Variants in COL22A1 observed in about 807,000 individuals in gnomAD.
The protein encoded by COL22A1 is collagen alpha-1(XXII) chain.
Under a neutral mutation model 248.9 loss-of-function variants are expected in COL22A1, and 221 were observed. The observed-to-expected ratio is 0.89, with a 90% CI of 0.80 to 0.99. COL22A1 has a LOEUF of 0.99. COL22A1 is among the 50% of genes least tolerant of loss of function. COL22A1 has a pLI of 0.00. For missense variants in COL22A1, 2,240 were observed against 2,179.0 expected, an observed-to-expected ratio of 1.03 and a Z score of -0.56; for synonymous variants, 891 against 793.4, an observed-to-expected ratio of 1.12 and a Z score of -2.07.
intron 30 of COL22A1, among the ~76,000 whole-genome samples, chr8:138,707,788 C>T (rs573207405): frequency 3.2e-4 from 48 of 152,192 alleles, no homozygotes; most frequent in African/African-American, 1.0e-3. Flanking sequence ...CTGGCCAGTG[C>T]GATCAGGCAG....
rs115681057 is a variant in COL22A1, at chr8:138,671,833, G to T, written c.3150+4725C>A. ...TTACGGTATTGATAAATACTGTACAGTACTATAAATGTATTTTCTCTTCCT... is the reference window on the plus strand; with the variant it reads ...TTACGGTATTGATAAATACTGTACATTACTATAAATGTATTTTCTCTTCCT... On this transcript the variant is annotated intron_variant, in intron 41 of 64. Coordinates refer to ENST00000303045, the MANE Select transcript of COL22A1 (RefSeq NM_152888.3). Among the ~76,000 whole-genome samples the T allele has an allele frequency of 4.2e-3, 634 of 152,252 alleles. 3 individuals are homozygous for T. The highest frequency in any genetic ancestry group is 0.013 in the African/African-American group (558 of 41,538).
chr8:138,877,059 G>A (rs1236291487), intron 3 of COL22A1, among the ~76,000 whole-genome samples: 1 of 152,120 alleles, frequency 6.6e-6, no homozygotes, highest in African/African-American at 2.4e-5. Flanking sequence ...CTAAATCCTG[G>A]AGGTCAGGCT....
intron 3 of COL22A1, among the ~76,000 whole-genome samples, chr8:138,875,606 T>C (rs773849593): frequency 2.6e-5 from 4 of 152,148 alleles, no homozygotes; most frequent in Non-Finnish European, 5.9e-5. Flanking sequence ...CTAGTTCTTA[T>C]CTGTGCAGAT....
At chr8:138,796,741 C>G in intron 12 of COL22A1, 78 bp downstream of exon 12, 2 of 970,504 alleles carry the variant, frequency 2.1e-6, no homozygotes, top group Non-Finnish European at 3.4e-6. Flanking sequence ...GGCAACATAA[C>G]AGTAGCACAC....
chr8:138,850,819 C>T (rs1435065876), intron 3 of COL22A1, among the ~76,000 whole-genome samples: 1 of 152,242 alleles, frequency 6.6e-6, no homozygotes, highest in Non-Finnish European at 1.5e-5. Context: ...AGTCCCTCCC[C>T]TTTCCATCCA....
chr8:138,698,041 A>G (rs1350781264), intron 32 of COL22A1, among the ~76,000 whole-genome samples: 1 of 152,212 alleles, frequency 6.6e-6, no homozygotes, highest in Non-Finnish European at 1.5e-5. Flanking sequence ...GTGCCTTCCC[A>G]GTGGAATGCT....
Position 138,598,891 on chromosome 8 carries a change from G to C in COL22A1, c.4193C>G (p.Pro1398Arg). ...EPGFKGERGDPGIKGDKGPPG... is the reference protein window; with the variant it reads ...EPGFKGERGDRGIKGDKGPPG... ...AGGTCCTTTGTCACCTTTGATCCCA[G>C]GATCTCCCTAAGGAGGAAATAAGCA... Residue 1398 changes from proline (P) to arginine (R), a missense_variant, in exon 61 of 65, where the codon CCT becomes CGT. Transcript: ENST00000303045. 6.2e-7 allele frequency: 1 copy of C among 1,614,114 alleles called. No individual in the cohort carries two copies. Among genetic ancestry groups the C allele is most frequent in the Non-Finnish European group, 8.5e-7 (1 of 1,180,004 alleles).
At chr8:138,822,174 C>T (rs1013111222) in intron 6 of COL22A1, among the ~76,000 whole-genome samples, 1 of 152,044 alleles carries the variant, frequency 6.6e-6, no homozygotes, top group Non-Finnish European at 1.5e-5. Flanking sequence ...CTTAGTCTCC[C>T]GAGTAGCTGG....
chr8:138,795,911 T>C (rs927332426), intron 12 of COL22A1, among the ~76,000 whole-genome samples: 5 of 152,120 alleles, frequency 3.3e-5, no homozygotes, highest in South Asian at 2.1e-4. Context: ...ACCAGCCCTA[T>C]GCAAGGGACT....
intron 64 of COL22A1, among the ~76,000 whole-genome samples, chr8:138,590,015 A>G (rs1325021991): frequency 6.6e-6 from 1 of 152,036 alleles, no homozygotes; most frequent in Non-Finnish European, 1.5e-5. Flanking sequence ...TCTAGGATGC[A>G]AGTAAGTGAC....
chr8:138,801,269 C>A (rs73362892), intron 11 of COL22A1, among the ~76,000 whole-genome samples: 1 of 152,160 alleles, frequency 6.6e-6, no homozygotes, highest in African/African-American at 2.4e-5. Flanking sequence ...GCAAGTCATT[C>A]GAGCCTGAGA....
At chr8:138,656,646 T>G (rs1264941858) in intron 44 of COL22A1, among the ~76,000 whole-genome samples, 1 of 151,856 alleles carries the variant, frequency 6.6e-6, no homozygotes. Flanking sequence ...GCAAGGAACA[T>G]AAGGCTAGGA....
At chr8:138,776,115 G>T in intron 15 of COL22A1, 105 bp from the exon 16 acceptor site, 2 of 1,117,284 alleles carry the variant, frequency 1.8e-6, no homozygotes, top group Non-Finnish European at 2.7e-6. Flanking sequence ...CCAGCCCAGG[G>T]TGGCAGGGAT....
chr8:138,776,889 T>C (rs1814512557), intron 15 of COL22A1, among the ~76,000 whole-genome samples: 1 of 152,196 alleles, frequency 6.6e-6, no homozygotes. Flanking sequence ...TTCTAGGGGT[T>C]GTGTCGGAAG....
At chr8:138,902,737 T>TACACACAC (rs777413704) in intron 1 of COL22A1, among the ~76,000 whole-genome samples, 1,874 of 106,968 alleles carry the variant, frequency 0.018, 18 homozygotes, top group Non-Finnish European at 0.021. Context: ...TATATATATA[T>TACACACAC]ATACACACAC....
intron 52 of COL22A1, 49 bp from the exon 53 acceptor site, chr8:138,619,557 C>A (rs760728738): frequency 1.9e-6 from 3 of 1,545,370 alleles, no homozygotes; most frequent in Non-Finnish European, 2.7e-6. Context: ...TTGTAAGAAT[C>A]TTCCTATTCC....
chr8:138,812,905 T>C (rs1586807564), intron 8 of COL22A1, 34 bp downstream of exon 8: 1 of 1,528,114 alleles, frequency 6.5e-7, no homozygotes, highest in Non-Finnish European at 9.1e-7. Flanking sequence ...CACACCCATT[T>C]CCTCCCATCC....
In COL22A1 at chr8:138,591,449, G is replaced by A. The variant is rs140340314; in HGVS notation, c.4668C>T (p.Gly1556=). Residue 1556 remains glycine (G), a synonymous_variant, in exon 64 of 65, where the codon GGC becomes GGT. Coordinates refer to ENST00000303045, the MANE Select transcript of COL22A1 (RefSeq NM_152888.3). ...DPGAPGVGLR[G]EMGPPGIPGQ... ...CTGGGATTCCAGGGGGTCCCATCTC[G>A]CCTCGGAGGCCAACTCCAGGTGCAC... 2.4e-4 allele frequency: 376 copies of A among 1,580,882 alleles called. No homozygotes were observed. Among genetic ancestry groups the A allele is most frequent in the Non-Finnish European group, 1.9e-4 (223 of 1,163,294 alleles).
chr8:138,903,853 T>C (rs1181425214), intron 1 of COL22A1, among the ~76,000 whole-genome samples: 1 of 152,100 alleles, frequency 6.6e-6, no homozygotes, highest in Non-Finnish European at 1.5e-5. Context: ...CTAGGGTTTC[T>C]GGGTAAAGAG....
Sources: gnomAD v4.1 joint callset for allele counts (sites outside exome capture counted in the v4.1 genomes callset) on GRCh38, gnomAD v4.1.1 for gene constraint, MANE v1.5 for transcripts, NCBI Gene and HGNC (gene_info 2026-07-23, HGNC 2026-07-21) for gene names.